Variants in CERK observed in about 807,000 individuals in gnomAD.
CERK encodes acylsphingosine kinase.
In CERK, 39 loss-of-function variants were observed where a neutral mutation model predicts 63.4. The observed-to-expected ratio is 0.61, with a 90% confidence interval of 0.48 to 0.80. CERK has a LOEUF of 0.80. CERK is among the 30% of genes least tolerant of loss of function. CERK has a pLI of 0.00. For missense variants in CERK, 670 were observed against 714.1 expected (o/e 0.94, Z 0.70); for synonymous variants, 302 against 280.0 (o/e 1.08, Z -0.78).
At chr22:46,706,362 G>C (rs2082813128) in intron 6 of CERK, among the ~76,000 whole-genome samples, 1 of 152,208 alleles carries the variant, frequency 6.6e-6, no homozygotes, top group Non-Finnish European at 1.5e-5. Flanking sequence ...GCACACAGGA[G>C]GCCTGAGAAG....
At chr22:46,717,832 G>A (rs2082873474) in intron 3 of CERK, among the ~76,000 whole-genome samples, 1 of 152,220 alleles carries the variant, frequency 6.6e-6, no homozygotes, top group Non-Finnish European at 1.5e-5. Context: ...TGTAATCCCA[G>A]CACTTTGGGA....
rs534565148 is a variant in CERK, at chr22:46,720,316, T to C, written c.257-108A>G. 2.0e-5 allele frequency: 26 copies of C among 1,301,138 alleles called. No individual in the cohort carries two copies. The South Asian group carries it at 3.8e-4, about 19-fold the overall frequency. The allele number at this position is 1,301,138 out of a possible 1,614,324, so 80.6% of individuals were successfully genotyped here. ...CTAATTATAGGTTCCTAACCAAAAT[T>C]TCCCAGGGGTTCTCCTCCCTTCTAA... On this transcript the variant is annotated intron_variant, in intron 2 of 12. Coordinates refer to ENST00000216264, the MANE Select transcript of CERK (RefSeq NM_022766.6).
At chr22:46,698,741 A>C (rs809658) in intron 8 of CERK, among the ~76,000 whole-genome samples, 5 of 143,846 alleles carry the variant, frequency 3.5e-5, no homozygotes, top group African/African-American at 1.5e-4. Context: ...AATATACAAA[A>C]AAAAAAAAAA....
rs554343926 is a variant in CERK at position 46,691,042 on chromosome 22, CATGTAT to C, written c.1332+524_1332+529del. The stretch of plus-strand genomic sequence containing the variant: ...ATATGTATATATACACATACACACA[CATGTAT>C]ACATACATACACACACACACACACA... On this transcript the variant is annotated intron_variant, in intron 11 of 12. Transcript: ENST00000216264. 2.7e-3 allele frequency among the ~76,000 whole-genome samples: 350 copies of C among 129,854 alleles called. 1 individual carries two copies. Among genetic ancestry groups the C allele is most frequent in the African/African-American group, 9.9e-3 (338 of 34,160 alleles). The allele number at this position is 129,854 out of a possible 152,430, so 85.2% of individuals were successfully genotyped here. A position where few individuals can be genotyped will look rare whatever the true frequency, so the allele number is the denominator to read the frequency against.
chr22:46,725,155 A>T (rs771547150), intron 1 of CERK, among the ~76,000 whole-genome samples: 2 of 152,226 alleles, frequency 1.3e-5, no homozygotes, highest in Non-Finnish European at 2.9e-5. Flanking sequence ...CCAGCCTAGC[A>T]GCACTTACCC....
chr22:46,698,598 A>G (rs1428636088), intron 8 of CERK, among the ~76,000 whole-genome samples: 2 of 152,180 alleles, frequency 1.3e-5, no homozygotes, highest in Non-Finnish European at 2.9e-5. Context: ...TTATAAAACT[A>G]TTGTTTTACA....
chr22:46,737,154 G>A (rs1433498278), intron 1 of CERK, among the ~76,000 whole-genome samples: 1 of 152,068 alleles, frequency 6.6e-6, no homozygotes, highest in Non-Finnish European at 1.5e-5. Context: ...TTAGCCGGGC[G>A]TAGTAGCGGG....
At chr22:46,696,163 A>G (rs2082755181) in intron 8 of CERK, among the ~76,000 whole-genome samples, 2 of 152,302 alleles carry the variant, frequency 1.3e-5, no homozygotes, top group Admixed American at 1.3e-4. Flanking sequence ...GGGTGGGGGA[A>G]GCTGCCGGCA....
chr22:46,715,234 G>T (rs1172627674), intron 3 of CERK, among the ~76,000 whole-genome samples: 1 of 152,114 alleles, frequency 6.6e-6, no homozygotes, highest in Non-Finnish European at 1.5e-5. Flanking sequence ...CCCTGTGTTG[G>T]TCCAAGCCAG....
At chr22:46,730,596 T>C (rs1425534299) in intron 1 of CERK, among the ~76,000 whole-genome samples, 1 of 152,226 alleles carries the variant, frequency 6.6e-6, no homozygotes, top group Non-Finnish European at 1.5e-5. Context: ...GAATCTATTC[T>C]AAAGAGCAGA....
At chr22:46,722,413 T>G (rs951761275) in intron 1 of CERK, among the ~76,000 whole-genome samples, 4 of 150,696 alleles carry the variant, frequency 2.7e-5, no homozygotes, top group African/African-American at 9.8e-5. Flanking sequence ...GGGGAGGGGG[T>G]GGGTTACAGA....
intron 6 of CERK, among the ~76,000 whole-genome samples, chr22:46,704,328 C>T (rs187782690): frequency 6.6e-6 from 1 of 152,328 alleles, no homozygotes; most frequent in African/African-American, 2.4e-5. Flanking sequence ...TTAGCACTGC[C>T]ACTGGCAAAT....
chr22:46,695,375 C>T (rs561318932), intron 8 of CERK, 60 bp from the exon 9 acceptor site: 182 of 1,007,060 alleles, frequency 1.8e-4, no homozygotes, highest in Admixed American at 5.3e-4. Flanking sequence ...GGTTAGGATG[C>T]TGTGCTGGGC....
At chr22:46,693,135 C>G (rs2082739728) in intron 10 of CERK, among the ~76,000 whole-genome samples, 1 of 152,154 alleles carries the variant, frequency 6.6e-6, no homozygotes, top group Non-Finnish European at 1.5e-5. Flanking sequence ...GGGACATCTG[C>G]TGCCCCCACA....
At chr22:46,717,905 ACT>A (rs57522485) in intron 3 of CERK, among the ~76,000 whole-genome samples, 20,602 of 152,054 alleles carry the variant, frequency 0.14, 1,819 homozygotes, top group African/African-American at 0.25. Flanking sequence ...ACACGGCGAA[ACT>A]CTGTCTCTAC....
chr22:46,733,327 C>T (rs532016229), intron 1 of CERK, among the ~76,000 whole-genome samples: 4 of 151,012 alleles, frequency 2.6e-5, no homozygotes, highest in Admixed American at 1.3e-4. Flanking sequence ...GGAGTCTCGC[C>T]GTGTTGCCCA....
At chr22:46,723,852 C>T (rs755912877) in intron 1 of CERK, among the ~76,000 whole-genome samples, 56 of 152,124 alleles carry the variant, frequency 3.7e-4, no homozygotes, top group Non-Finnish European at 6.2e-4. Flanking sequence ...CGCCTGCCAC[C>T]GCACCCGGCT....
chr22:46,689,564 G>A lies in CERK; in HGVS notation c.1541+428C>T, dbSNP rs145332507. 1.9e-3 allele frequency among the ~76,000 whole-genome samples: 284 copies of A among 152,170 alleles called. 1 individual carries two copies. The highest frequency in any genetic ancestry group is 6.6e-3 in the African/African-American group (272 of 41,516). On this transcript the variant is annotated intron_variant, in intron 12 of 12. Coordinates refer to ENST00000216264, the MANE Select transcript of CERK (RefSeq NM_022766.6). ...TTTTTTTGTATTTTTAGTAGAGACG[G>A]GGTTTCACCATGTTGGCGAGGCTGG...
At position 46,686,958 on chromosome 22, in the gene CERK, G is replaced by T. The variant is rs1413597120; in HGVS notation, c.*176C>A. On this transcript the variant is annotated 3_prime_UTR_variant, in exon 13 of 13. Coordinates refer to ENST00000216264, the MANE Select transcript of CERK (RefSeq NM_022766.6). ...GCAACCCGCAGATGCGTACAGAACT[G>T]AAAATGCCAAATATGTACACAAAAT... 1 of 634,938 alleles carries T rather than the reference G, an allele frequency of 1.6e-6. No individual in the cohort carries two copies. Among genetic ancestry groups the T allele is most frequent in the African/African-American group, 1.8e-5 (1 of 54,456 alleles). The allele number at this position is 634,938 out of a possible 1,614,324, so 39.3% of individuals were successfully genotyped here. A position where few individuals can be genotyped will look rare whatever the true frequency, so the allele number is the denominator to read the frequency against.
Sources: allele counts gnomAD v4.1 joint callset (sites outside exome capture counted in the v4.1 genomes callset), GRCh38; gene constraint gnomAD v4.1.1; transcripts MANE v1.5; gene names NCBI Gene and HGNC (gene_info 2026-07-23, HGNC 2026-07-21).